The following EPS8 variants were observed in gnomAD, a reference collection of about 807,000 sequenced individuals.
The protein encoded by EPS8 is EGFR pathway substrate 8, signaling adaptor.
Under a neutral mutation model 103.8 loss-of-function variants are expected in EPS8, and 42 were observed. That is an observed-to-expected ratio of 0.40 (90% CI 0.32 to 0.52). The LOEUF (loss-of-function observed/expected upper bound fraction) is 0.52, where lower values mean the gene tolerates loss of function less well. EPS8 is among the 20% of genes least tolerant of loss of function. EPS8 has a pLI of 0.40. For synonymous variants in EPS8, 344 were observed against 344.6 expected (o/e 1.00, Z 0.02); for missense variants, 969 against 1,005.1 (o/e 0.96, Z 0.49).
intron 14 of EPS8, among the ~76,000 whole-genome samples, chr12:15,648,577 T>C (rs1425038716): frequency 6.6e-6 from 1 of 152,212 alleles, no homozygotes; most frequent in Non-Finnish European, 1.5e-5. Context: ...CAGTTTATCA[T>C]TTCCCTGGGA....
At chr12:15,644,623 G>A (rs1171561017) in intron 15 of EPS8, among the ~76,000 whole-genome samples, 5 of 151,838 alleles carry the variant, frequency 3.3e-5, no homozygotes, top group Admixed American at 6.6e-5. Context: ...GCGTGAACCC[G>A]GGAGGCCGAG....
At chr12:15,711,682 G>A (rs1297275322) in intron 1 of EPS8, among the ~76,000 whole-genome samples, 1 of 152,162 alleles carries the variant, frequency 6.6e-6, no homozygotes, top group South Asian at 2.1e-4. Flanking sequence ...AACATCTTGA[G>A]GAACTTCACC....
At chr12:15,786,668 A>AT (rs1050394527) in intron 1 of EPS8, among the ~76,000 whole-genome samples, 2 of 152,078 alleles carry the variant, frequency 1.3e-5, no homozygotes, top group Admixed American at 6.5e-5. Flanking sequence ...AATAAGGTCT[A>AT]TTTTTTTAAA....
rs749055408 is a variant in EPS8 at position 15,631,450 on chromosome 12, G to A, written c.2036C>T (p.Pro679Leu). Reference protein sequence around the residue: ...VRDSQRHKQLPVDRRKSQMEE... With the variant: ...VRDSQRHKQLLVDRRKSQMEE... ...CTCCCTGGGAAACTTACGGTCCACC[G>A]GAAGTTGTTTGTGTCTCTGGCTGTC... is the stretch of plus-strand genomic sequence containing the variant. Residue 679 changes from proline to leucine, a missense_variant, in exon 18 of 21, where the codon CCG becomes CTG. Pro to Leu is a moderately conservative substitution (Grantham distance 98). Coordinates refer to ENST00000281172, the MANE Select transcript of EPS8 (RefSeq NM_004447.6). 1.4e-5 allele frequency: 23 copies of A among 1,613,796 alleles called. No homozygotes were observed. In the Middle Eastern group the frequency reaches 6.6e-4, roughly 46 times the overall value.
At position 15,621,402 on chromosome 12, in the gene EPS8, T is replaced by C; in HGVS notation, c.2384A>G (p.Glu795Gly). The C allele has an allele frequency of 1.2e-6, 2 of 1,604,298 alleles. No individual in the cohort carries two copies. The highest frequency in any genetic ancestry group is 1.7e-6 in the Non-Finnish European group (2 of 1,175,714). ...TTTTTCCTGTCGTCTTCTCATAATT[T>C]CTTGTAACTCGGAGCTGCCACTGCT... is the stretch of plus-strand genomic sequence containing the variant. ...EDSSGSSELQ[E>G]IMRRRQEKIS... Residue 795 changes from glutamate (E) to glycine (G), a missense_variant, in exon 21 of 21, where the codon GAA becomes GGA. Coordinates refer to ENST00000281172, the MANE Select transcript of EPS8 (RefSeq NM_004447.6).
Position 15,631,459 on chromosome 12 carries a change from T to C in EPS8, c.2027A>G (p.Lys676Arg), listed in dbSNP as rs768402606. The C allele has an allele frequency of 7.4e-6, 12 of 1,614,114 alleles. No individual in the cohort carries two copies. The highest frequency in any genetic ancestry group is 2.2e-5 in the East Asian group (1 of 44,886). Residue 676 changes from lysine (K) to arginine (R), a missense_variant, in exon 18 of 21, where the codon AAA (lysine) becomes AGA (arginine). Lys to Arg is a conservative substitution (Grantham distance 26, BLOSUM62 2). Transcript: ENST00000281172. ...GSIVRDSQRH[K>R]QLPVDRRKSQ... ...AAACTTACGGTCCACCGGAAGTTGT[T>C]TGTGTCTCTGGCTGTCTCGCACGAT...
Position 15,751,779 on chromosome 12 carries a change from A to G in EPS8, c.-22+37382T>C, listed in dbSNP as rs1422496150. Among the ~76,000 whole-genome samples, 1 of 151,946 alleles carries G rather than the reference A, an allele frequency of 6.6e-6. No individual in the cohort carries two copies. The stretch of plus-strand genomic sequence containing the variant: ...CCTCCTCCTTAGTATCCTTCTTACC[A>G]TACTCTACTTACACCATAGCTCAGA... On this transcript the variant is annotated intron_variant, in intron 1 of 20. Coordinates refer to ENST00000281172, the MANE Select transcript of EPS8 (RefSeq NM_004447.6). The surrounding 1 kb of genome is among the most constrained non-coding windows in gnomAD (Gnocchi z 4.3).
intron 10 of EPS8, among the ~76,000 whole-genome samples, chr12:15,659,167 T>A (rs1243301153): frequency 1.3e-5 from 2 of 151,994 alleles, no homozygotes; most frequent in Non-Finnish European, 2.9e-5. Flanking sequence ...AATGGAAGGG[T>A]AGATCAAGGT....
intron 8 of EPS8, 109 bp downstream of exon 8, chr12:15,665,647 A>C: frequency 7.1e-7 from 1 of 1,406,344 alleles, no homozygotes; most frequent in Non-Finnish European, 9.9e-7. Context: ...GATTTTTTAA[A>C]AACTAACCTC....
At chr12:15,654,938 T>C (rs1486376461) in intron 12 of EPS8, among the ~76,000 whole-genome samples, 1 of 152,152 alleles carries the variant, frequency 6.6e-6, no homozygotes, top group Non-Finnish European at 1.5e-5. Context: ...TGAGGATAAG[T>C]AGATGTTCAA....
chr12:15,623,983 T>C (rs1451024494), intron 19 of EPS8, among the ~76,000 whole-genome samples: 2 of 152,188 alleles, frequency 1.3e-5, no homozygotes, highest in African/African-American at 2.4e-5. Context: ...AATAGTTTGC[T>C]TAAAGAACTA....
rs1388352321 is a variant in EPS8 at position 15,731,377 on chromosome 12, C to T, written c.-21-48405G>A. On this transcript the variant is annotated intron_variant, in intron 1 of 20. Coordinates refer to ENST00000281172, the MANE Select transcript of EPS8 (RefSeq NM_004447.6). This position sits in a 1 kb window ranked among gnomAD's most constrained non-coding sequence, Gnocchi z 5.1. ...GCAATGGCACAATCTCGGCTCACTG[C>T]AACCTCAGCTTCCCAGGTTCGAGCT... 1.3e-5 allele frequency among the ~76,000 whole-genome samples: 2 copies of T among 152,090 alleles called. No individual in the cohort carries two copies. The highest frequency in any genetic ancestry group is 2.9e-5 in the Non-Finnish European group (2 of 68,016).
At chr12:15,641,390 G>T (rs1336659672) in intron 16 of EPS8, among the ~76,000 whole-genome samples, 1 of 151,502 alleles carries the variant, frequency 6.6e-6, no homozygotes. Flanking sequence ...GTCTCTTATT[G>T]AACTATTATG....
In EPS8 at chr12:15,621,439, T is replaced by TA. The variant is rs1469905597; in HGVS notation, c.2356-10dup. 1 of 1,513,594 alleles carries TA rather than the reference T, an allele frequency of 6.6e-7. No individual in the cohort carries two copies. 93.8% of individuals were successfully genotyped at this position (1,513,594 alleles called of 1,614,324 possible). A position where few individuals can be genotyped will look rare whatever the true frequency, so the allele number is the denominator to read the frequency against. ...GAGCTGCCACTGCTATCCTGAAAGA[T>TA]AAACAGTTCAGACAAGATAGTTACT... On this transcript the variant is annotated splice_polypyrimidine_tract_variant and intron_variant, in intron 20 of 20. Coordinates refer to ENST00000281172, the MANE Select transcript of EPS8 (RefSeq NM_004447.6).
At chr12:15,641,616 G>T in intron 16 of EPS8, 106 bp downstream of exon 16, 3 of 501,786 alleles carry the variant, frequency 6.0e-6, no homozygotes, top group African/African-American at 2.0e-5. Flanking sequence ...AATATACTAC[G>T]TCTTTAGTAA....
At chr12:15,685,119 A>C (rs1473661938) in intron 1 of EPS8, among the ~76,000 whole-genome samples, 1 of 152,220 alleles carries the variant, frequency 6.6e-6, no homozygotes, top group Non-Finnish European at 1.5e-5. Flanking sequence ...CAACTGCAGC[A>C]CATCATTGCT....
At chr12:15,636,519 A>C (rs1046292306) in intron 17 of EPS8, among the ~76,000 whole-genome samples, 10 of 152,224 alleles carry the variant, frequency 6.6e-5, no homozygotes, top group African/African-American at 2.4e-4. Flanking sequence ...TTCAACACCT[A>C]TTCACTGCCT....
intron 1 of EPS8, among the ~76,000 whole-genome samples, chr12:15,692,486 T>C (rs1242737697): frequency 1.3e-5 from 2 of 152,040 alleles, no homozygotes; most frequent in South Asian, 2.1e-4. Context: ...TTACCCCTGA[T>C]GTTCTGAAAT....
intron 16 of EPS8, 23 bp from the exon 17 acceptor site, chr12:15,640,869 G>T (rs753936395): frequency 6.2e-7 from 1 of 1,606,546 alleles, no homozygotes. Context: ...AGAAAATAAA[G>T]GTATAATTTC....
Sources: allele counts gnomAD v4.1 joint callset (sites outside exome capture counted in the v4.1 genomes callset), GRCh38; gene constraint gnomAD v4.1.1; non-coding constraint Gnocchi (gnomAD v3.1); transcripts MANE v1.5; gene names NCBI Gene and HGNC (gene_info 2026-07-23, HGNC 2026-07-21).